Variants in MDGA2 observed in about 807,000 individuals in gnomAD.
MDGA2 encodes the protein MAM domain containing glycosylphosphatidylinositol anchor 2.
Under a neutral mutation model 117.8 loss-of-function variants are expected in MDGA2, and 40 were observed. The observed-to-expected ratio is 0.34, with a 90% CI of 0.26 to 0.44. The LOEUF (loss-of-function observed/expected upper bound fraction) is 0.44, where lower values mean the gene tolerates loss of function less well. Among genes scored for constraint, MDGA2 ranks in the 20% least tolerant of loss-of-function variants. The pLI, the probability that MDGA2 is intolerant of heterozygous loss-of-function variation, is 1.00. For missense variants in MDGA2, 1,123 were observed against 1,250.6 expected (o/e 0.90, Z 1.54); for synonymous variants, 452 against 439.0 (o/e 1.03, Z -0.37).
chr14:47,338,964 C>T (rs1026204978), intron 1 of MDGA2, among the ~76,000 whole-genome samples: 2 of 152,030 alleles, frequency 1.3e-5, no homozygotes, highest in African/African-American at 2.4e-5. Context: ...GTACTATTAG[C>T]CATTACCTTC....
chr14:47,522,898 T>C (rs1894898767), intron 1 of MDGA2, among the ~76,000 whole-genome samples: 1 of 152,194 alleles, frequency 6.6e-6, no homozygotes. Context: ...GATTAGCATC[T>C]TTGGAAATAA....
chr14:47,054,497 G>A (rs1475113451), intron 7 of MDGA2, among the ~76,000 whole-genome samples: 3 of 136,522 alleles, frequency 2.2e-5, no homozygotes, highest in African/African-American at 8.4e-5. Context: ...CCCGGTGTGT[G>A]ATGTTTCCCT....
intron 1 of MDGA2, among the ~76,000 whole-genome samples, chr14:47,487,017 T>G (rs988420526): frequency 3.3e-5 from 5 of 152,218 alleles, no homozygotes; most frequent in African/African-American, 1.2e-4. Context: ...TATGCATTTA[T>G]TATCAATTCA....
At chr14:47,031,642 C>T (rs1263046048) in intron 8 of MDGA2, among the ~76,000 whole-genome samples, 1 of 152,080 alleles carries the variant, frequency 6.6e-6, no homozygotes, top group Non-Finnish European at 1.5e-5. Context: ...AAATGTAATC[C>T]TCAGTGTTGG....
intron 1 of MDGA2, among the ~76,000 whole-genome samples, chr14:47,580,668 GA>G (rs967902169): frequency 4.0e-5 from 6 of 148,862 alleles, no homozygotes; most frequent in South Asian, 2.1e-4. Context: ...AAAGCACAAA[GA>G]AAAAAAAAGC....
chr14:47,504,353 G>T (rs1264903441), intron 1 of MDGA2, among the ~76,000 whole-genome samples: 1 of 152,032 alleles, frequency 6.6e-6, no homozygotes, highest in East Asian at 1.9e-4. Flanking sequence ...TAGGTGACCA[G>T]TTTTGATAAC....
At chr14:47,465,993 A>G (rs1024489079) in intron 1 of MDGA2, among the ~76,000 whole-genome samples, 2 of 152,196 alleles carry the variant, frequency 1.3e-5, no homozygotes, top group African/African-American at 4.8e-5. Context: ...TAGTCATAAA[A>G]AAGAACAAGA....
chr14:47,350,573 G>A (rs1215925340), intron 1 of MDGA2, among the ~76,000 whole-genome samples: 3 of 151,466 alleles, frequency 2.0e-5, no homozygotes, highest in Non-Finnish European at 4.4e-5. Context: ...GTGTGTGCAC[G>A]CGTGTGTGTG....
intron 6 of MDGA2, among the ~76,000 whole-genome samples, chr14:47,062,454 G>T (rs997959067): frequency 6.6e-6 from 1 of 151,480 alleles, no homozygotes; most frequent in Non-Finnish European, 1.5e-5. Flanking sequence ...ATATGGAAAA[G>T]CTTTCTCTCT....
chr14:47,235,945 T>G (rs527867916), intron 2 of MDGA2, among the ~76,000 whole-genome samples: 1 of 152,140 alleles, frequency 6.6e-6, no homozygotes, highest in Admixed American at 6.5e-5. Context: ...ACTTTACCAA[T>G]GCCAATGCGT....
intron 1 of MDGA2, among the ~76,000 whole-genome samples, chr14:47,435,359 C>T (rs536897300): frequency 6.6e-6 from 1 of 152,168 alleles, no homozygotes; most frequent in South Asian, 2.1e-4. Context: ...ATATTTTTGG[C>T]TGCTGTATAC....
At chr14:47,011,134 A>G (rs1024674040) in intron 8 of MDGA2, among the ~76,000 whole-genome samples, 1 of 151,734 alleles carries the variant, frequency 6.6e-6, no homozygotes, top group Non-Finnish European at 1.5e-5. Flanking sequence ...TAATCAGAAG[A>G]AAAGTAGAAC....
chr14:47,346,168 A>G (rs544954750), intron 1 of MDGA2, among the ~76,000 whole-genome samples: 3 of 152,286 alleles, frequency 2.0e-5, no homozygotes, highest in African/African-American at 7.2e-5. Flanking sequence ...TCACTATTAT[A>G]TGTATTGAAA....
At chr14:46,974,033 C>T (rs1314346739) in intron 8 of MDGA2, among the ~76,000 whole-genome samples, 2 of 151,638 alleles carry the variant, frequency 1.3e-5, no homozygotes, top group African/African-American at 4.8e-5. Context: ...GCCACCACAC[C>T]CAGCTAATCA....
intron 10 of MDGA2, among the ~76,000 whole-genome samples, chr14:46,918,194 A>T (rs930218609): frequency 6.6e-6 from 1 of 152,222 alleles, no homozygotes; most frequent in African/African-American, 2.4e-5. Context: ...TAACCAGAAA[A>T]TAGCACAATA....
intron 10 of MDGA2, among the ~76,000 whole-genome samples, chr14:46,903,897 T>C (rs1228097707): frequency 6.6e-6 from 1 of 152,220 alleles, no homozygotes; most frequent in South Asian, 2.1e-4. Context: ...AATGTATTCA[T>C]GCTTTCTGTA....
intron 8 of MDGA2, among the ~76,000 whole-genome samples, chr14:47,029,831 G>C (rs1195484443): frequency 1.3e-5 from 2 of 151,690 alleles, no homozygotes; most frequent in African/African-American, 4.8e-5. Context: ...TTTTGTTTTT[G>C]TTTTTCTTTT....
rs1383268186 is a variant in MDGA2 at position 46,957,066 on chromosome 14, A to G, written c.2089+308T>C. Among the ~76,000 whole-genome samples the G allele has an allele frequency of 2.6e-5, 4 of 152,134 alleles. No homozygotes were observed. The East Asian group carries it at 7.7e-4, about 29-fold the overall frequency. On this transcript the variant is annotated intron_variant, in intron 9 of 16. Transcript: ENST00000399232. ...AGTCAGTTAAACCTCTTTTCTTCAT[A>G]AATTACCCAGTCTCAGGTAGTTCTT...
At chr14:47,533,713 T>C (rs1895149415) in intron 1 of MDGA2, among the ~76,000 whole-genome samples, 2 of 152,220 alleles carry the variant, frequency 1.3e-5, no homozygotes, top group African/African-American at 4.8e-5. Context: ...CACTCCTGTG[T>C]ATTTTTAATG....
Sources: gnomAD v4.1 joint callset for allele counts (sites outside exome capture counted in the v4.1 genomes callset) on GRCh38, gnomAD v4.1.1 for gene constraint, MANE v1.5 for transcripts, NCBI Gene and HGNC (gene_info 2026-07-23, HGNC 2026-07-21) for gene names.